Variants in LHFPL3 observed in about 807,000 individuals in gnomAD.
LHFPL3 encodes LHFPL tetraspan subfamily member 3.
LHFPL3 carries 5 observed loss-of-function variants against 19.3 expected under a neutral mutation model. That is an observed-to-expected ratio of 0.26 (90% CI 0.14 to 0.54). LHFPL3 has a LOEUF of 0.54. Among genes scored for constraint, LHFPL3 ranks in the 20% least tolerant of loss-of-function variants. The pLI is 0.94. For synonymous variants in LHFPL3, 133 were observed against 126.2 expected, an observed-to-expected ratio of 1.05 and a Z score of -0.36; for missense variants, 249 against 307.4, an observed-to-expected ratio of 0.81 and a Z score of 1.42.
rs186450932 is a variant in LHFPL3, at chr7:104,465,140, G to A, written c.445+135916G>A. On this transcript the variant is annotated intron_variant, in intron 1 of 2. Coordinates refer to ENST00000424859, the MANE Select transcript of LHFPL3 (RefSeq NM_199000.3). ...TGACCTTTACTCCAGCTCCCAAAAA[G>A]TTCCCATCTCCATCTGAAACCACCT... Among the ~76,000 whole-genome samples, 245 of 143,032 alleles carry A rather than the reference G, an allele frequency of 1.7e-3. 1 individual carries two copies. The highest frequency in any genetic ancestry group is 6.3e-3 in the African/African-American group (230 of 36,768). 93.8% of individuals were successfully genotyped at this position (143,032 alleles called of 152,430 possible).
chr7:104,831,699 C>G (rs537870312), intron 2 of LHFPL3, among the ~76,000 whole-genome samples: 2 of 151,446 alleles, frequency 1.3e-5, no homozygotes, highest in East Asian at 3.9e-4. Context: ...GGGGATTTTT[C>G]TCCTTCACAC....
At chr7:104,758,662 T>C (rs571733074) in intron 2 of LHFPL3, among the ~76,000 whole-genome samples, 1 of 152,310 alleles carries the variant, frequency 6.6e-6, no homozygotes, top group Non-Finnish European at 1.5e-5. Flanking sequence ...TTTTCAGGCA[T>C]AGAGTCATCT....
At chr7:104,516,346 G>T (rs1793921014) in intron 1 of LHFPL3, among the ~76,000 whole-genome samples, 1 of 151,980 alleles carries the variant, frequency 6.6e-6, no homozygotes, top group African/African-American at 2.4e-5. Context: ...CAACACGTGG[G>T]GATTATGGGA....
intron 1 of LHFPL3, among the ~76,000 whole-genome samples, chr7:104,686,280 G>A (rs561047868): frequency 4.9e-4 from 75 of 152,082 alleles, no homozygotes; most frequent in Non-Finnish European, 9.6e-4. Context: ...ACCCCAGCCT[G>A]CCTCCAAGGC....
At chr7:104,447,167 T>A (rs1364508270) in intron 1 of LHFPL3, among the ~76,000 whole-genome samples, 3 of 152,174 alleles carry the variant, frequency 2.0e-5, no homozygotes, top group Non-Finnish European at 4.4e-5. Flanking sequence ...ATTATATAAT[T>A]GGATATAAAA....
chr7:104,818,343 A>G (rs1280992679), intron 2 of LHFPL3, among the ~76,000 whole-genome samples: 1 of 151,718 alleles, frequency 6.6e-6, no homozygotes, highest in African/African-American at 2.4e-5. Flanking sequence ...TTGCCCACCT[A>G]AGGCAACTGA....
rs1792618480 is a variant in LHFPL3 at position 104,906,504 on chromosome 7, A to T, written c.*289A>T. The T allele has an allele frequency of 2.3e-6, 1 of 434,210 alleles. No individual in the cohort carries two copies. The highest frequency in any genetic ancestry group is 5.1e-5 in the South Asian group (1 of 19,752). The allele number at this position is 434,210 out of a possible 1,614,324, so 26.9% of individuals were successfully genotyped here. A position where few individuals can be genotyped will look rare whatever the true frequency, so the allele number is the denominator to read the frequency against. ...CGTTCATGAAAAATCATATTCAGGAAATAAGGAAGAGGAATATAAATGCTC... is the reference window on the plus strand; with the variant it reads ...CGTTCATGAAAAATCATATTCAGGATATAAGGAAGAGGAATATAAATGCTC... On this transcript the variant is annotated 3_prime_UTR_variant, in exon 3 of 3. Transcript: ENST00000424859.
intron 1 of LHFPL3, among the ~76,000 whole-genome samples, chr7:104,714,270 A>G (rs1040703742): frequency 6.6e-6 from 1 of 152,136 alleles, no homozygotes; most frequent in Non-Finnish European, 1.5e-5. Flanking sequence ...CAATTTCTCT[A>G]GAGACACTTT....
chr7:104,840,088 C>A (rs1584568611), intron 2 of LHFPL3, among the ~76,000 whole-genome samples: 1 of 151,882 alleles, frequency 6.6e-6, no homozygotes, highest in East Asian at 1.9e-4. Context: ...TTAATATTAT[C>A]ATTATTATCC....
intron 1 of LHFPL3, among the ~76,000 whole-genome samples, chr7:104,395,818 G>T (rs956171655): frequency 1.3e-5 from 2 of 152,100 alleles, no homozygotes; most frequent in Admixed American, 1.3e-4. Flanking sequence ...ATTTTCTAAC[G>T]TTTATGATGT....
chr7:104,720,125 C>A (rs1793459665), intron 1 of LHFPL3, among the ~76,000 whole-genome samples: 1 of 152,094 alleles, frequency 6.6e-6, no homozygotes, highest in South Asian at 2.1e-4. Flanking sequence ...CATACTGAAT[C>A]TTCCTAATCT....
intron 2 of LHFPL3, among the ~76,000 whole-genome samples, chr7:104,870,421 G>A (rs1324924200): frequency 6.6e-6 from 1 of 152,118 alleles, no homozygotes; most frequent in African/African-American, 2.4e-5. Flanking sequence ...CTGGGAAAGG[G>A]GAATGGGAAC....
intron 2 of LHFPL3, among the ~76,000 whole-genome samples, chr7:104,760,084 G>A (rs1024115483): frequency 6.6e-6 from 1 of 152,188 alleles, no homozygotes; most frequent in Non-Finnish European, 1.5e-5. Flanking sequence ...GACCCCCAGA[G>A]GTTCCGATTC....
intron 2 of LHFPL3, among the ~76,000 whole-genome samples, chr7:104,904,877 G>A (rs1315489757): frequency 6.6e-6 from 1 of 152,166 alleles, no homozygotes; most frequent in Non-Finnish European, 1.5e-5. Flanking sequence ...AGGTCTAGCT[G>A]TATTGATACA....
At chr7:104,753,964 C>G (rs1302465742) in intron 2 of LHFPL3, among the ~76,000 whole-genome samples, 1 of 152,196 alleles carries the variant, frequency 6.6e-6, no homozygotes, top group Admixed American at 6.5e-5. Flanking sequence ...AACAGATAAA[C>G]ATTCCCTGTG....
At chr7:104,346,613 A>G (rs186884645) in intron 1 of LHFPL3, among the ~76,000 whole-genome samples, 1 of 152,290 alleles carries the variant, frequency 6.6e-6, no homozygotes, top group Admixed American at 6.5e-5. Context: ...AAACTATATT[A>G]GGAGCAAAGG....
At chr7:104,897,814 C>G (rs575587436) in intron 2 of LHFPL3, among the ~76,000 whole-genome samples, 1 of 152,150 alleles carries the variant, frequency 6.6e-6, no homozygotes, top group Non-Finnish European at 1.5e-5. Flanking sequence ...ATTAGATGCA[C>G]AAACACAGAT....
chr7:104,556,789 C>T (rs1227774102), intron 1 of LHFPL3, among the ~76,000 whole-genome samples: 1 of 152,220 alleles, frequency 6.6e-6, no homozygotes, highest in Non-Finnish European at 1.5e-5. Flanking sequence ...CTTTTATGCT[C>T]TGTTTCCCTT....
intron 2 of LHFPL3, among the ~76,000 whole-genome samples, chr7:104,808,267 C>T (rs998991794): frequency 6.6e-6 from 1 of 152,214 alleles, no homozygotes; most frequent in African/African-American, 2.4e-5. Context: ...CACACTCTTA[C>T]TTTGTATTCA....
Sources: gnomAD v4.1 joint callset for allele counts (sites outside exome capture counted in the v4.1 genomes callset) on GRCh38, gnomAD v4.1.1 for gene constraint, MANE v1.5 for transcripts, NCBI Gene and HGNC (gene_info 2026-07-23, HGNC 2026-07-21) for gene names.